The following PRKG1 variants were observed in gnomAD, a reference collection of about 807,000 sequenced individuals.
The protein encoded by PRKG1 is protein kinase cGMP-dependent 1, also known as cGMP-dependent protein kinase 1.
Under a neutral mutation model 88.1 loss-of-function variants are expected in PRKG1, and 35 were observed. That is an observed-to-expected ratio of 0.40 (90% CI 0.30 to 0.53). The LOEUF (loss-of-function observed/expected upper bound fraction) is 0.53. Among genes scored for constraint, PRKG1 ranks in the 20% least tolerant of loss-of-function variants. The pLI is 0.59. For missense variants in PRKG1, 540 were observed against 839.8 expected (o/e 0.64, Z 4.41); for synonymous variants, 303 against 292.5 (o/e 1.04, Z -0.37).
At chr10:51,478,945 T>C (rs1840277675) in intron 3 of PRKG1, among the ~76,000 whole-genome samples, 1 of 152,094 alleles carries the variant, frequency 6.6e-6, no homozygotes, top group African/African-American at 2.4e-5. Flanking sequence ...TGTCTATTTG[T>C]TTCATGACTA....
intron 7 of PRKG1, among the ~76,000 whole-genome samples, chr10:52,064,428 C>T (rs1381762718): frequency 6.6e-6 from 1 of 152,198 alleles, no homozygotes; most frequent in Non-Finnish European, 1.5e-5. Flanking sequence ...GCCAGGGGGC[C>T]CTTCCCAGAC....
chr10:51,797,682 T>C (rs987296544), intron 3 of PRKG1, among the ~76,000 whole-genome samples: 1 of 151,120 alleles, frequency 6.6e-6, no homozygotes, highest in Non-Finnish European at 1.5e-5. Context: ...CATTCTGAAG[T>C]GTACAATCAA....
intron 1 of PRKG1, among the ~76,000 whole-genome samples, chr10:51,041,102 C>T (rs1188407148): frequency 6.6e-6 from 1 of 152,052 alleles, no homozygotes; most frequent in African/African-American, 2.4e-5. Context: ...GTGGCCACCA[C>T]CACCCCACGC....
chr10:51,784,423 A>G (rs1838677422), intron 3 of PRKG1, among the ~76,000 whole-genome samples: 3 of 152,160 alleles, frequency 2.0e-5, no homozygotes, highest in Non-Finnish European at 4.4e-5. Context: ...AACCAGAAGC[A>G]TACGTTGGTC....
chr10:51,100,085 G>T (rs1266504806), intron 1 of PRKG1, among the ~76,000 whole-genome samples: 4 of 152,022 alleles, frequency 2.6e-5, no homozygotes, highest in Admixed American at 6.6e-5. Flanking sequence ...GTAGAGACTG[G>T]ATCTCACTGT....
chr10:51,356,396 A>T (rs1012929244), intron 2 of PRKG1, among the ~76,000 whole-genome samples: 1 of 152,026 alleles, frequency 6.6e-6, no homozygotes, highest in Non-Finnish European at 1.5e-5. Context: ...TTGCACTCAA[A>T]GATTGTCCAT....
At chr10:51,693,512 G>A (rs932951302) in intron 3 of PRKG1, among the ~76,000 whole-genome samples, 6 of 151,506 alleles carry the variant, frequency 4.0e-5, no homozygotes, top group Non-Finnish European at 7.4e-5. Flanking sequence ...AGTGCTTCTC[G>A]TGCCTCAGAC....
At chr10:51,537,672 G>A (rs371465378) in intron 3 of PRKG1, among the ~76,000 whole-genome samples, 77 of 147,366 alleles carry the variant, frequency 5.2e-4, no homozygotes, top group African/African-American at 1.7e-3. Flanking sequence ...AGGTTGCAGT[G>A]AGCCAAGATT....
At chr10:52,029,277 A>T (rs1242894552) in intron 5 of PRKG1, among the ~76,000 whole-genome samples, 3 of 152,200 alleles carry the variant, frequency 2.0e-5, no homozygotes, top group Non-Finnish European at 4.4e-5. Flanking sequence ...TCACAAATGA[A>T]TTTCTTTCCA....
At chr10:51,474,928 A>C (rs1840150218) in intron 3 of PRKG1, among the ~76,000 whole-genome samples, 1 of 151,976 alleles carries the variant, frequency 6.6e-6, no homozygotes, top group Admixed American at 6.6e-5. Flanking sequence ...ATAATGCTTT[A>C]TAATTTACAA....
At chr10:51,830,010 A>T (rs1937693) in intron 4 of PRKG1, among the ~76,000 whole-genome samples, 33,766 of 152,050 alleles carry the variant, frequency 0.22, 6,252 homozygotes, top group African/African-American at 0.51. Context: ...CTATTTCTAT[A>T]GTTATGGTAC....
At chr10:51,673,188 G>T (rs1840626464) in intron 3 of PRKG1, among the ~76,000 whole-genome samples, 1 of 152,162 alleles carries the variant, frequency 6.6e-6, no homozygotes, top group South Asian at 2.1e-4. Context: ...TCTCCACTCT[G>T]CCTGGCTCCC....
intron 1 of PRKG1, among the ~76,000 whole-genome samples, chr10:51,033,924 G>T (rs1843319791): frequency 6.6e-6 from 1 of 152,056 alleles, no homozygotes; most frequent in African/African-American, 2.4e-5. Context: ...GTCCCTTTAA[G>T]ATTTAAATCT....
chr10:51,627,978 TTCTTTCTTTCTTTCTCTCTC>T (rs1564579725), intron 3 of PRKG1, among the ~76,000 whole-genome samples: 20 of 31,942 alleles, frequency 6.3e-4, no homozygotes, highest in African/African-American at 2.1e-3. Context: ...TTCTCTTTCT[TTCTTTCTTTCTTTCTCTCTC>T]TCTCTCTCTC....
intron 3 of PRKG1, among the ~76,000 whole-genome samples, chr10:51,517,987 C>T (rs143200726): frequency 3.9e-5 from 6 of 152,210 alleles, no homozygotes; most frequent in South Asian, 2.1e-4. Context: ...TTACTTCCTA[C>T]TTAACAGGAC....
chr10:51,706,908 T>C (rs1841620101), intron 3 of PRKG1, among the ~76,000 whole-genome samples: 1 of 152,200 alleles, frequency 6.6e-6, no homozygotes, highest in African/African-American at 2.4e-5. Flanking sequence ...TTAATCTACA[T>C]TGGTTATCTA....
chr10:51,089,769 A>T (rs1844353490), intron 1 of PRKG1, among the ~76,000 whole-genome samples: 1 of 152,232 alleles, frequency 6.6e-6, no homozygotes, highest in Non-Finnish European at 1.5e-5. Context: ...TGGAGGACAG[A>T]TCATCACTGT....
chr10:51,387,082 T>C (rs1837270998), intron 2 of PRKG1, among the ~76,000 whole-genome samples: 1 of 151,922 alleles, frequency 6.6e-6, no homozygotes, highest in South Asian at 2.1e-4. Flanking sequence ...ACTTATATAG[T>C]TTTAATTATT....
rs569843252 is a variant in PRKG1 at position 51,558,208 on chromosome 10, T to G, written c.592+90372T>G. 2.0e-5 allele frequency among the ~76,000 whole-genome samples: 3 copies of G among 152,190 alleles called. No individual in the cohort carries two copies. The East Asian group carries it at 5.8e-4, about 29-fold the overall frequency. The stretch of plus-strand genomic sequence containing the variant: ...TTTAGTCATTTTCAATTGTGTGGGA[T>G]GTTTTCAAGTTGAGAGAATAATTGA... On this transcript the variant is annotated intron_variant, in intron 3 of 17. Transcript: ENST00000373980.
Sources: allele counts gnomAD v4.1 joint callset (sites outside exome capture counted in the v4.1 genomes callset), GRCh38; gene constraint gnomAD v4.1.1; transcripts MANE v1.5; gene names NCBI Gene and HGNC (gene_info 2026-07-23, HGNC 2026-07-21).